MARCHF4: variants seen among roughly 807,000 people sequenced by gnomAD.
MARCHF4 encodes membrane associated ring-CH-type finger 4.
A neutral mutation model predicts 43.9 loss-of-function variants in MARCHF4; 14 were observed. That is an observed-to-expected ratio of 0.32 (90% CI 0.21 to 0.50). The LOEUF (loss-of-function observed/expected upper bound fraction) is 0.50. MARCHF4 is among the 20% of genes least tolerant of loss of function. MARCHF4 has a pLI of 0.98. For missense variants in MARCHF4, 468 were observed against 536.7 expected (o/e 0.87, Z 1.27); for synonymous variants, 226 against 213.3 (o/e 1.06, Z -0.52).
chr2:216,359,517 G>A (rs1331653244), intron 1 of MARCHF4, among the ~76,000 whole-genome samples: 1 of 152,144 alleles, frequency 6.6e-6, no homozygotes, highest in Non-Finnish European at 1.5e-5. Flanking sequence ...CCCACCAGGA[G>A]GTTGCCTCAA....
intron 1 of MARCHF4, among the ~76,000 whole-genome samples, chr2:216,304,811 A>T (rs1173742380): frequency 6.6e-6 from 1 of 152,028 alleles, no homozygotes; most frequent in Non-Finnish European, 1.5e-5. Flanking sequence ...AAAATGATCC[A>T]GGCATGGTGG....
At position 216,370,452 on chromosome 2, in the gene MARCHF4, A is replaced by G. The variant is rs927594247; in HGVS notation, c.-192T>C. 1.0e-5 allele frequency: 5 copies of G among 500,588 alleles called. No homozygotes were observed. Among genetic ancestry groups the G allele is most frequent in the Non-Finnish European group, 1.7e-5 (5 of 288,292 alleles). 31.0% of individuals were successfully genotyped at this position (500,588 alleles called of 1,614,324 possible). A position where few individuals can be genotyped will look rare whatever the true frequency, so the allele number is the denominator to read the frequency against. On this transcript the variant is annotated 5_prime_UTR_variant, in exon 1 of 4. Coordinates refer to ENST00000273067, the MANE Select transcript of MARCHF4 (RefSeq NM_020814.3). ...TGAGAAGTGTGAGTCACTGGTTCTG[A>G]ACTCCACCTGGAAAGCCCAATAACA...
At chr2:216,368,644 C>T (rs1432859023) in intron 1 of MARCHF4, among the ~76,000 whole-genome samples, 2 of 152,238 alleles carry the variant, frequency 1.3e-5, no homozygotes, top group Non-Finnish European at 2.9e-5. Context: ...CATCCTACTG[C>T]ACTGCCACTT....
At chr2:216,290,080 G>T (rs1490451154) in intron 1 of MARCHF4, among the ~76,000 whole-genome samples, 62 of 152,152 alleles carry the variant, frequency 4.1e-4, no homozygotes, top group Non-Finnish European at 4.4e-5. Context: ...AAATTCTCTA[G>T]TCAAGACAGA....
intron 1 of MARCHF4, among the ~76,000 whole-genome samples, chr2:216,366,681 T>A (rs1278391897): frequency 6.6e-6 from 1 of 152,180 alleles, no homozygotes; most frequent in Non-Finnish European, 1.5e-5. Flanking sequence ...TAGGAAGACT[T>A]TTCCTGATTA....
chr2:216,302,871 C>A (rs1691512964), intron 1 of MARCHF4, among the ~76,000 whole-genome samples: 1 of 135,478 alleles, frequency 7.4e-6, no homozygotes, highest in Non-Finnish European at 1.5e-5. Context: ...GCACTCCAGC[C>A]TGGGTGACAA....
intron 2 of MARCHF4, among the ~76,000 whole-genome samples, chr2:216,279,446 G>A (rs529270967): frequency 6.6e-6 from 1 of 152,332 alleles, no homozygotes; most frequent in East Asian, 1.9e-4. Context: ...TTAAGCAGAG[G>A]ACTGACAGGA....
chr2:216,304,015 G>A (rs1016886033), intron 1 of MARCHF4, among the ~76,000 whole-genome samples: 1 of 152,142 alleles, frequency 6.6e-6, no homozygotes, highest in African/African-American at 2.4e-5. Flanking sequence ...CCCTGAAACA[G>A]GGAACTTGGA....
At chr2:216,296,849 G>A (rs536454642) in intron 1 of MARCHF4, among the ~76,000 whole-genome samples, 2 of 152,292 alleles carry the variant, frequency 1.3e-5, no homozygotes, top group South Asian at 2.1e-4. Context: ...TGAGGGTGGC[G>A]TAATGGGGCA....
chr2:216,306,782 A>G (rs995693796), intron 1 of MARCHF4, among the ~76,000 whole-genome samples: 5 of 152,142 alleles, frequency 3.3e-5, no homozygotes, highest in African/African-American at 1.2e-4. Context: ...CCAATCTCAT[A>G]CAGAGACTCT....
At chr2:216,360,533 A>G (rs1363590809) in intron 1 of MARCHF4, among the ~76,000 whole-genome samples, 1 of 151,956 alleles carries the variant, frequency 6.6e-6, no homozygotes, top group African/African-American at 2.4e-5. Flanking sequence ...AAGGCTACAC[A>G]CTGTATAATT....
chr2:216,356,013 G>T (rs1014133738), intron 1 of MARCHF4, among the ~76,000 whole-genome samples: 9 of 152,204 alleles, frequency 5.9e-5, no homozygotes, highest in African/African-American at 1.9e-4. Context: ...ACCAGTCAAA[G>T]AACTCACAGC....
At chr2:216,259,813 T>A in intron 3 of MARCHF4, 134 bp from the exon 4 acceptor site, 1 of 878,552 alleles carries the variant, frequency 1.1e-6, no homozygotes. Context: ...GGACCATCCC[T>A]AGATTCCCAG....
chr2:216,263,539 A>AAGAGAGAGAGAGAGAGAGAGAAAG (rs1342980579), intron 3 of MARCHF4, among the ~76,000 whole-genome samples: 47 of 122,864 alleles, frequency 3.8e-4, no homozygotes, highest in African/African-American at 1.3e-3. Context: ...GAGAGAGAGA[A>AAGAGAGAGAGAGAGAGAGAGAAAG]AGAGAGAGAG....
At chr2:216,339,183 C>T (rs952433588) in intron 1 of MARCHF4, among the ~76,000 whole-genome samples, 1 of 152,182 alleles carries the variant, frequency 6.6e-6, no homozygotes, top group Non-Finnish European at 1.5e-5. Flanking sequence ...GTCACCAATC[C>T]CCCCTTTCCT....
chr2:216,288,403 T>C (rs1289857705), intron 1 of MARCHF4, among the ~76,000 whole-genome samples: 1 of 152,218 alleles, frequency 6.6e-6, no homozygotes, highest in African/African-American at 2.4e-5. Context: ...TCTGCAACTC[T>C]ATTTCCTACT....
intron 1 of MARCHF4, among the ~76,000 whole-genome samples, chr2:216,336,793 C>T (rs1042360070): frequency 3.0e-5 from 4 of 135,580 alleles, no homozygotes; most frequent in Non-Finnish European, 6.2e-5. Flanking sequence ...ATTTGGCAAC[C>T]CTTGTTAGAA....
At chr2:216,278,984 T>A (rs1559088112) in intron 2 of MARCHF4, among the ~76,000 whole-genome samples, 1 of 152,334 alleles carries the variant, frequency 6.6e-6, no homozygotes, top group East Asian at 1.9e-4. Flanking sequence ...CTATGCTAGG[T>A]GTTGGCAATG....
chr2:216,324,447 C>G (rs1277404928), intron 1 of MARCHF4, among the ~76,000 whole-genome samples: 1 of 151,916 alleles, frequency 6.6e-6, no homozygotes, highest in African/African-American at 2.4e-5. Flanking sequence ...AAGAGGGAAC[C>G]CTCCCTAACT....
Sources: gnomAD v4.1 joint callset for allele counts (sites outside exome capture counted in the v4.1 genomes callset) on GRCh38, gnomAD v4.1.1 for gene constraint, MANE v1.5 for transcripts, NCBI Gene and HGNC (gene_info 2026-07-23, HGNC 2026-07-21) for gene names.